The following CDKL1 variants were observed in gnomAD, a reference collection of about 807,000 sequenced individuals.
CDKL1 encodes cyclin dependent kinase like 1.
Under a neutral mutation model 42.0 loss-of-function variants are expected in CDKL1, and 41 were observed. The observed-to-expected ratio is 0.98, with a 90% CI of 0.76 to 1.27. The LOEUF is 1.27. Ranked by LOEUF, CDKL1 falls within the 50% of genes most tolerant of loss-of-function variation. The probability of loss-of-function intolerance (pLI) is 0.00; values close to 1 mark genes in which losing one functional copy is unlikely to be tolerated. For synonymous variants in CDKL1, 153 were observed against 158.6 expected, an observed-to-expected ratio of 0.96 and a Z score of 0.26; for missense variants, 394 against 428.4, an observed-to-expected ratio of 0.92 and a Z score of 0.71.
rs374977445 is a variant in CDKL1, at chr14:50,362,680, T to C, written c.169-3531A>G. On this transcript the variant is annotated intron_variant, in intron 2 of 9. Coordinates refer to ENST00000395834, the MANE Select transcript of CDKL1 (RefSeq NM_004196.7). ...AGAGAACATTTGTGTCCACACTCTG[T>C]ATCTGGCTAATCTAGTGGGGACGTG... is the stretch of plus-strand genomic sequence containing the variant. 1.8e-4 allele frequency among the ~76,000 whole-genome samples: 27 copies of C among 152,306 alleles called. No individual in the cohort carries two copies. The South Asian group carries it at 5.2e-3, about 29-fold the overall frequency.
intron 7 of CDKL1, chr14:50,335,446 C>T: frequency 6.5e-7 from 1 of 1,531,922 alleles, no homozygotes. Flanking sequence ...GGGCCTGCTG[C>T]TTCCCTTCTC....
rs939397964 is a variant in CDKL1 at position 50,326,455 on chromosome 14, TTC to T, written c.*3617_*3618del. 1.0e-6 allele frequency: 1 copy of T among 985,060 alleles called. No individual in the cohort carries two copies. Among genetic ancestry groups the T allele is most frequent in the Non-Finnish European group, 1.2e-6 (1 of 829,758 alleles). The allele number at this position is 985,060 out of a possible 1,614,324, so 61.0% of individuals were successfully genotyped here. A position where few individuals can be genotyped will look rare whatever the true frequency, so the allele number is the denominator to read the frequency against. ...GAAAAATTAGAAGCTAAATTACAGA[TTC>T]ATTGATGGAGTCAATTATGCAAAGT... On this transcript the variant is annotated 3_prime_UTR_variant, in exon 10 of 10. Coordinates refer to ENST00000395834, the MANE Select transcript of CDKL1 (RefSeq NM_004196.7).
intron 2 of CDKL1, among the ~76,000 whole-genome samples, chr14:50,366,650 G>T (rs545473410): frequency 2.0e-5 from 3 of 152,364 alleles, no homozygotes; most frequent in African/African-American, 7.2e-5. Context: ...TGACATTGTG[G>T]TGACTTGGAG....
intron 8 of CDKL1, chr14:50,333,565 G>C (rs576063947): frequency 2.0e-5 from 3 of 152,248 alleles, no homozygotes; most frequent in East Asian, 3.9e-4. Context: ...AGAAATAACT[G>C]TAAGTATACT....
rs2032767921 is a variant in CDKL1, at chr14:50,327,810, C to CT, written c.*2263dup. 1 of 152,098 alleles carries CT rather than the reference C, an allele frequency of 6.6e-6. No homozygotes were observed. Among genetic ancestry groups the CT allele is most frequent in the South Asian group, 2.1e-4 (1 of 4,830 alleles). 9.4% of individuals were successfully genotyped at this position (152,098 alleles called of 1,614,324 possible). A position where few individuals can be genotyped will look rare whatever the true frequency, so the allele number is the denominator to read the frequency against. ...TTGAAAATAATTTTCTATGATACAGCTTTCAGGTAGAAAAATGAATTTTCG... is the reference window on the plus strand; with the variant it reads ...TTGAAAATAATTTTCTATGATACAGCTTTTCAGGTAGAAAAATGAATTTTCG... On this transcript the variant is annotated 3_prime_UTR_variant, in exon 10 of 10. Transcript: ENST00000395834.
chr14:50,380,774 C>CAAGGAGTT (rs2139514946), intron 2 of CDKL1, among the ~76,000 whole-genome samples: 2 of 150,952 alleles, frequency 1.3e-5, no homozygotes, highest in South Asian at 4.2e-4. Context: ...TTCTAGGAGT[C>CAAGGAGTT]CAATGGCCTG....
intron 2 of CDKL1, among the ~76,000 whole-genome samples, chr14:50,386,101 A>T (rs7140873): frequency 0.033 from 5,074 of 152,088 alleles, 94 homozygotes; most frequent in Middle Eastern, 0.065. Flanking sequence ...TATGTGTGAG[A>T]GAGGGGGAAA....
chr14:50,340,363 T>C (rs2139393125), intron 6 of CDKL1, among the ~76,000 whole-genome samples: 1 of 152,274 alleles, frequency 6.6e-6, no homozygotes, highest in African/African-American at 2.4e-5. Context: ...TACAAGAGTT[T>C]AGAGGAGGAA....
At chr14:50,358,676 G>T (rs1595313966) in intron 3 of CDKL1, among the ~76,000 whole-genome samples, 1 of 111,980 alleles carries the variant, frequency 8.9e-6, no homozygotes, top group Non-Finnish European at 1.7e-5. Context: ...GTCTCACCCT[G>T]TTGCCCAGGC....
rs1052830030 is a variant in CDKL1, at chr14:50,328,168, T to G, written c.*1906A>C. On this transcript the variant is annotated 3_prime_UTR_variant, in exon 10 of 10. Coordinates refer to ENST00000395834, the MANE Select transcript of CDKL1 (RefSeq NM_004196.7). ...TTTGGTAAAACTATTGGCTGAATTA[T>G]TAGGCTGTTATAGTAATCTGCCTCC... The G allele has an allele frequency of 1.3e-5, 2 of 152,214 alleles. No individual in the cohort carries two copies. The highest frequency in any genetic ancestry group is 2.9e-5 in the Non-Finnish European group (2 of 68,034). The allele number at this position is 152,214 out of a possible 1,614,324, so 9.4% of individuals were successfully genotyped here.
chr14:50,349,603 T>G (rs1409907322), intron 3 of CDKL1, among the ~76,000 whole-genome samples: 1 of 152,192 alleles, frequency 6.6e-6, no homozygotes, highest in Non-Finnish European at 1.5e-5. Flanking sequence ...ATCATCGCCA[T>G]GCCCTCTGCC....
At chr14:50,382,356 G>C (rs773888179) in intron 2 of CDKL1, among the ~76,000 whole-genome samples, 13 of 152,140 alleles carry the variant, frequency 8.5e-5, no homozygotes, top group Non-Finnish European at 1.6e-4. Flanking sequence ...GGGAGGCTGA[G>C]GTAGGAATTG....
chr14:50,335,652 G>A, intron 7 of CDKL1: 1 of 1,509,914 alleles, frequency 6.6e-7, no homozygotes, highest in Non-Finnish European at 8.8e-7. Flanking sequence ...CAGAGAGGCT[G>A]AGAAAATAAG....
intron 2 of CDKL1, among the ~76,000 whole-genome samples, chr14:50,363,564 A>G (rs1214634850): frequency 2.0e-5 from 3 of 152,320 alleles, no homozygotes; most frequent in Admixed American, 2.0e-4. Context: ...TCATTTTCAC[A>G]CTATTTGCTC....
rs1207159969 is a variant in CDKL1 at position 50,330,010 on chromosome 14, A to ATAAGT, written c.*59_*63dup. Reference sequence around the variant, plus strand: ...ATTGTAATTGTTTTCAATCAACTGTATAAGTTTTATTTTCTTCAAAGCATC... The same window carrying ATAAGT: ...ATTGTAATTGTTTTCAATCAACTGTATAAGTTAAGTTTTATTTTCTTCAAAGCATC... On this transcript the variant is annotated 3_prime_UTR_variant, in exon 10 of 10. Transcript: ENST00000395834. 3 of 1,557,380 alleles carry ATAAGT rather than the reference A, an allele frequency of 1.9e-6. No individual in the cohort carries two copies. The highest frequency in any genetic ancestry group is 2.6e-6 in the Non-Finnish European group (3 of 1,153,288).
chr14:50,364,501 A>G (rs2034383033), intron 2 of CDKL1, among the ~76,000 whole-genome samples: 1 of 152,234 alleles, frequency 6.6e-6, no homozygotes, highest in Non-Finnish European at 1.5e-5. Flanking sequence ...TTAAAAAAGG[A>G]AACAAAACTG....
chr14:50,392,945 C>A (rs1045876097), intron 2 of CDKL1, among the ~76,000 whole-genome samples: 2 of 152,138 alleles, frequency 1.3e-5, no homozygotes, highest in African/African-American at 4.8e-5. Flanking sequence ...GCTCTTCTTT[C>A]AGAAGAAATC....
intron 3 of CDKL1, among the ~76,000 whole-genome samples, chr14:50,349,971 G>A (rs557839420): frequency 2.6e-5 from 4 of 152,310 alleles, no homozygotes; most frequent in Admixed American, 1.3e-4. Context: ...GTTTCGCCAC[G>A]TTGGCCATGG....
intron 6 of CDKL1, 55 bp from the exon 7 acceptor site, chr14:50,339,084 T>A: frequency 1.7e-6 from 2 of 1,162,512 alleles, no homozygotes; most frequent in Non-Finnish European, 1.3e-6. Context: ...CACTGATCTA[T>A]GGTTTTCTTC....
Sources: gnomAD v4.1 joint callset for allele counts (sites outside exome capture counted in the v4.1 genomes callset) on GRCh38, gnomAD v4.1.1 for gene constraint, MANE v1.5 for transcripts, NCBI Gene and HGNC (gene_info 2026-07-23, HGNC 2026-07-21) for gene names.